DACH2: variants seen among roughly 807,000 people sequenced by gnomAD.
The protein encoded by DACH2 is dachshund family transcription factor 2.
Under a neutral mutation model 35.8 loss-of-function variants are expected in DACH2, and 17 were observed. The observed-to-expected ratio is 0.48, with a 90% CI of 0.33 to 0.71. The LOEUF (loss-of-function observed/expected upper bound fraction) is 0.71. Among genes scored for constraint, DACH2 ranks in the 30% least tolerant of loss-of-function variants. The pLI, the probability that DACH2 is intolerant of heterozygous loss-of-function variation, is 0.02. For synonymous variants in DACH2, 195 were observed against 177.3 expected (o/e 1.10, Z -0.79); for missense variants, 469 against 472.7 (o/e 0.99, Z 0.07).
chrX:86,763,918 G>A (rs954266664), intron 7 of DACH2, among the ~76,000 whole-genome samples: 2 of 111,730 alleles, frequency 1.8e-5, no homozygotes, highest in Non-Finnish European at 3.8e-5. Flanking sequence ...GTATGGAAAA[G>A]AGAAGATTAG....
chrX:86,515,838 T>C (rs777710577), intron 3 of DACH2, among the ~76,000 whole-genome samples: 1 of 112,682 alleles, frequency 8.9e-6, no homozygotes, highest in South Asian at 3.6e-4. Context: ...GGAGGGTTGA[T>C]AGCAATGAAG....
intron 2 of DACH2, among the ~76,000 whole-genome samples, chrX:86,436,338 T>A (rs1307128427): frequency 9.7e-6 from 1 of 103,205 alleles, no homozygotes. Flanking sequence ...ACCAGGCACA[T>A]TTTTTTCTAC....
At chrX:86,407,287 C>G in intron 2 of DACH2, among the ~76,000 whole-genome samples, 1 of 111,832 alleles carries the variant, frequency 8.9e-6, no homozygotes, top group Non-Finnish European at 1.9e-5. Context: ...CTTGTTGAGC[C>G]TTCATTTTCT....
chrX:86,649,967 A>G (rs754970547), intron 3 of DACH2, among the ~76,000 whole-genome samples: 1 of 110,910 alleles, frequency 9.0e-6, no homozygotes, highest in African/African-American at 3.3e-5. Flanking sequence ...TTTTTGGCCC[A>G]TGGTAGCAGT....
At chrX:86,784,331 C>A (rs190256578) in intron 7 of DACH2, among the ~76,000 whole-genome samples, 4 of 110,133 alleles carry the variant, frequency 3.6e-5, no homozygotes, top group African/African-American at 1.3e-4. Context: ...GAACAGACGT[C>A]TTTCAAAAGG....
chrX:86,206,979 ACAT>A (rs1276644334), intron 1 of DACH2, among the ~76,000 whole-genome samples: 2 of 111,910 alleles, frequency 1.8e-5, no homozygotes, highest in Non-Finnish European at 3.8e-5. Flanking sequence ...TCATTTCTTA[ACAT>A]CATAAAGCAG....
chrX:86,286,125 T>TTTG (rs2034141682), intron 1 of DACH2, among the ~76,000 whole-genome samples: 1 of 5,569 alleles, frequency 1.8e-4, no homozygotes, highest in Non-Finnish European at 5.5e-4. Flanking sequence ...GTTTTTTTTT[T>TTTG]TTTTTTTTTT....
intron 4 of DACH2, among the ~76,000 whole-genome samples, chrX:86,659,563 A>G (rs1332423543): frequency 9.0e-6 from 1 of 111,376 alleles, no homozygotes; most frequent in African/African-American, 3.3e-5. Flanking sequence ...CCTGTCCCCA[A>G]CTATGCTATT....
intron 1 of DACH2, among the ~76,000 whole-genome samples, chrX:86,354,912 CTCTT>C (rs1293584999): frequency 1.6e-4 from 18 of 110,654 alleles, no homozygotes; most frequent in African/African-American, 5.9e-4. Flanking sequence ...TTTAAATATT[CTCTT>C]TCTATCTTTT....
chrX:86,157,655 A>G (rs1388474794), intron 1 of DACH2, among the ~76,000 whole-genome samples: 3 of 111,508 alleles, frequency 2.7e-5, no homozygotes, highest in Non-Finnish European at 5.7e-5. Context: ...TATTGGATTA[A>G]CAGTTATAAC....
chrX:86,303,401 T>G (rs1407154142), intron 1 of DACH2, among the ~76,000 whole-genome samples: 2 of 110,169 alleles, frequency 1.8e-5, no homozygotes, highest in Non-Finnish European at 3.8e-5. Flanking sequence ...AGGGTGAGGT[T>G]AAACAAAAAG....
intron 2 of DACH2, among the ~76,000 whole-genome samples, chrX:86,434,910 G>A (rs951970743): frequency 9.0e-6 from 1 of 110,992 alleles, no homozygotes; most frequent in Non-Finnish European, 1.9e-5. Context: ...CATAGCAAAA[G>A]CAGGAGAACG....
At chrX:86,548,741 C>A (rs1168329536) in intron 3 of DACH2, among the ~76,000 whole-genome samples, 1 of 112,031 alleles carries the variant, frequency 8.9e-6, no homozygotes, top group Non-Finnish European at 1.9e-5. Context: ...CTATCAACTT[C>A]TTTATTTGCC....
chrX:86,447,147 T>G (rs1251288376), intron 2 of DACH2, among the ~76,000 whole-genome samples: 2 of 100,352 alleles, frequency 2.0e-5, no homozygotes, highest in Non-Finnish European at 4.0e-5. Flanking sequence ...GGGTTTTTTG[T>G]TTTTTTCTTG....
At chrX:86,247,148 T>G (rs6524606) in intron 1 of DACH2, among the ~76,000 whole-genome samples, 12,270 of 110,311 alleles carry the variant, frequency 0.11, 689 homozygotes, top group Non-Finnish European at 0.17. Context: ...TATATGCATC[T>G]AACACTGGAG....
chrX:86,688,189 C>A lies in DACH2; in HGVS notation c.773-6832C>A, dbSNP rs1378956202. Among the ~76,000 whole-genome samples, 5 of 111,980 alleles carry A rather than the reference C, an allele frequency of 4.5e-5. No individual in the cohort carries two copies. In the Admixed American group the frequency reaches 4.7e-4, roughly 11 times the overall value. On this transcript the variant is annotated intron_variant, in intron 4 of 11. Transcript: ENST00000373125. ...TATATAAACATTCTGGTCATGCAAC[C>A]AAGGTATTCTTTTCTTTCTTCCTGG...
chrX:86,379,208 G>A (rs1241630980), intron 2 of DACH2, among the ~76,000 whole-genome samples: 1 of 111,050 alleles, frequency 9.0e-6, no homozygotes, highest in African/African-American at 3.3e-5. Context: ...TTTACAAATG[G>A]TTAAAATAAG....
intron 1 of DACH2, among the ~76,000 whole-genome samples, chrX:86,224,990 T>C (rs2032790770): frequency 8.9e-6 from 1 of 111,762 alleles, no homozygotes; most frequent in Non-Finnish European, 1.9e-5. Flanking sequence ...GAAATGGAAA[T>C]GTTCCTTGTT....
intron 1 of DACH2, among the ~76,000 whole-genome samples, chrX:86,211,460 A>G (rs2032444711): frequency 9.0e-6 from 1 of 111,578 alleles, no homozygotes. Context: ...GGCTCATTAA[A>G]TAATAGCTAA....
Sources: allele counts gnomAD v4.1 joint callset (sites outside exome capture counted in the v4.1 genomes callset), GRCh38; gene constraint gnomAD v4.1.1; transcripts MANE v1.5; gene names NCBI Gene and HGNC (gene_info 2026-07-23, HGNC 2026-07-21).